The following EPHA6 variants were observed in gnomAD, a reference collection of about 807,000 sequenced individuals.
EPHA6 encodes ephrin type-A receptor 6.
EPHA6 carries 50 observed loss-of-function variants against 112.0 expected under a neutral mutation model. The ratio of observed to expected loss-of-function variants is 0.45; its 90% CI spans 0.36 to 0.56. EPHA6 has a LOEUF of 0.56. Ranked by LOEUF, EPHA6 falls within the 20% of genes least tolerant of loss-of-function variation. The probability of loss-of-function intolerance (pLI) is 0.00; values close to 1 mark genes in which losing one functional copy is unlikely to be tolerated. For missense variants in EPHA6, 1,280 were observed against 1,417.4 expected (o/e 0.90, Z 1.56); for synonymous variants, 529 against 490.7 (o/e 1.08, Z -1.03).
At chr3:96,978,625 C>A (rs1175817324) in intron 2 of EPHA6, among the ~76,000 whole-genome samples, 4 of 151,624 alleles carry the variant, frequency 2.6e-5, no homozygotes, top group Non-Finnish European at 5.9e-5. Flanking sequence ...TGTTTTGGTA[C>A]CTAAGTCTAA....
At chr3:97,274,946 T>A (rs1011040142) in intron 5 of EPHA6, among the ~76,000 whole-genome samples, 2 of 152,128 alleles carry the variant, frequency 1.3e-5, no homozygotes, top group African/African-American at 4.8e-5. Flanking sequence ...AGAAACTATA[T>A]GCGTCAGGTA....
At chr3:96,957,692 A>C (rs1239813592) in intron 2 of EPHA6, among the ~76,000 whole-genome samples, 1 of 152,164 alleles carries the variant, frequency 6.6e-6, no homozygotes, top group Non-Finnish European at 1.5e-5. Flanking sequence ...GTAATAATTT[A>C]ATTCTGTTAA....
At chr3:97,177,405 G>A (rs1491003856) in intron 3 of EPHA6, among the ~76,000 whole-genome samples, 1 of 151,888 alleles carries the variant, frequency 6.6e-6, no homozygotes, top group Non-Finnish European at 1.5e-5. Flanking sequence ...GATCTATAGG[G>A]CAGATTAAGT....
intron 14 of EPHA6, among the ~76,000 whole-genome samples, chr3:97,709,374 C>T (rs976006761): frequency 2.6e-5 from 4 of 152,244 alleles, no homozygotes; most frequent in African/African-American, 9.6e-5. Context: ...TGCATGGGGC[C>T]TGTGGCCCCT....
chr3:97,493,758 T>C (rs973697188), intron 10 of EPHA6, among the ~76,000 whole-genome samples: 1 of 152,184 alleles, frequency 6.6e-6, no homozygotes, highest in African/African-American at 2.4e-5. Flanking sequence ...TCATAAAGGA[T>C]ATGCCTGCTA....
intron 6 of EPHA6, among the ~76,000 whole-genome samples, chr3:97,420,514 G>A (rs1411775675): frequency 6.6e-6 from 1 of 151,908 alleles, no homozygotes; most frequent in African/African-American, 2.4e-5. Flanking sequence ...TAGAAAACTT[G>A]CATAATTACT....
At chr3:97,083,172 C>G (rs1417720221) in intron 3 of EPHA6, among the ~76,000 whole-genome samples, 1 of 151,932 alleles carries the variant, frequency 6.6e-6, no homozygotes, top group Non-Finnish European at 1.5e-5. Context: ...GATGCTGCCT[C>G]AAATTCACTT....
At chr3:97,548,951 A>G (rs1188444572) in intron 11 of EPHA6, among the ~76,000 whole-genome samples, 6 of 152,218 alleles carry the variant, frequency 3.9e-5, no homozygotes, top group Non-Finnish European at 5.9e-5. Flanking sequence ...ACCCAGTGAC[A>G]TCCTAGCCAT....
chr3:96,942,521 T>C lies in EPHA6; in HGVS notation c.451-44809T>C, dbSNP rs555903298. On this transcript the variant is annotated intron_variant, in intron 2 of 17. Coordinates refer to ENST00000389672, the MANE Select transcript of EPHA6 (RefSeq NM_001080448.3). Reference sequence around the variant, plus strand: ...TTTCCAGGTGCCGTCTGTCACCCCTTTCTTTGACTAGGAAAGGGAACTCCC... The same window carrying C: ...TTTCCAGGTGCCGTCTGTCACCCCTCTCTTTGACTAGGAAAGGGAACTCCC... 7.2e-5 allele frequency among the ~76,000 whole-genome samples: 11 copies of C among 152,312 alleles called. No individual in the cohort carries two copies. In the South Asian group the frequency reaches 2.3e-3, roughly 32 times the overall value.
At chr3:96,871,322 A>T (rs1296805096) in intron 2 of EPHA6, among the ~76,000 whole-genome samples, 1 of 152,028 alleles carries the variant, frequency 6.6e-6, no homozygotes, top group Admixed American at 6.6e-5. Context: ...TATTAGAAGG[A>T]TGAAATTATG....
chr3:97,021,188 G>C (rs953039153), intron 3 of EPHA6, among the ~76,000 whole-genome samples: 1 of 152,164 alleles, frequency 6.6e-6, no homozygotes, highest in Non-Finnish European at 1.5e-5. Context: ...AACTTGGACT[G>C]TATAGCCTAA....
intron 16 of EPHA6, 63 bp from the exon 17 acceptor site, chr3:97,747,360 G>C: frequency 3.0e-6 from 4 of 1,339,334 alleles, no homozygotes; most frequent in Non-Finnish European, 3.9e-6. Flanking sequence ...AAAGTTCCGT[G>C]ATTTGTGCTT....
At chr3:96,992,626 T>C (rs1245814352) in intron 3 of EPHA6, among the ~76,000 whole-genome samples, 2 of 152,130 alleles carry the variant, frequency 1.3e-5, no homozygotes, top group Non-Finnish European at 2.9e-5. Flanking sequence ...TTTTTCTTTC[T>C]GATATATTGA....
chr3:97,291,577 T>C (rs950295103), intron 5 of EPHA6, among the ~76,000 whole-genome samples: 1 of 152,226 alleles, frequency 6.6e-6, no homozygotes, highest in Non-Finnish European at 1.5e-5. Context: ...AAAATAATTA[T>C]TTGAAAAGAT....
intron 14 of EPHA6, among the ~76,000 whole-genome samples, chr3:97,706,256 G>T (rs2033669675): frequency 6.6e-6 from 1 of 151,458 alleles, no homozygotes; most frequent in African/African-American, 2.4e-5. Flanking sequence ...TTTTATTTTA[G>T]GAAAAAAAAC....
chr3:97,158,221 G>A (rs2076334027), intron 3 of EPHA6, among the ~76,000 whole-genome samples: 1 of 152,082 alleles, frequency 6.6e-6, no homozygotes. Flanking sequence ...GAGTAGGGGA[G>A]GGAAGAAAAT....
intron 3 of EPHA6, among the ~76,000 whole-genome samples, chr3:97,125,007 C>A (rs1576531439): frequency 6.6e-6 from 1 of 151,308 alleles, no homozygotes; most frequent in East Asian, 1.9e-4. Flanking sequence ...CACCTTGACC[C>A]CCAAGTACAA....
chr3:97,663,319 T>A (rs1455378284), intron 14 of EPHA6, among the ~76,000 whole-genome samples: 1 of 152,024 alleles, frequency 6.6e-6, no homozygotes, highest in East Asian at 1.9e-4. Context: ...TGGAGCCTTT[T>A]TTTTTCTTTT....
At chr3:96,882,537 A>C (rs1355795942) in intron 2 of EPHA6, among the ~76,000 whole-genome samples, 3 of 152,048 alleles carry the variant, frequency 2.0e-5, no homozygotes, top group African/African-American at 7.2e-5. Context: ...CCAAGTCCCC[A>C]AAATCCATTG....
Sources: allele counts gnomAD v4.1 joint callset (sites outside exome capture counted in the v4.1 genomes callset), GRCh38; gene constraint gnomAD v4.1.1; transcripts MANE v1.5; gene names NCBI Gene and HGNC (gene_info 2026-07-23, HGNC 2026-07-21).